TCTN2: variants seen among roughly 807,000 people sequenced by gnomAD.
The protein encoded by TCTN2 is tectonic-2.
In TCTN2, 66 loss-of-function variants were observed where a neutral mutation model predicts 83.4. The ratio of observed to expected loss-of-function variants is 0.79; its 90% CI spans 0.65 to 0.97. The LOEUF is 0.97. TCTN2 is among the 50% of genes least tolerant of loss of function. The pLI is 0.00. For missense variants in TCTN2, 794 were observed against 858.1 expected, an observed-to-expected ratio of 0.93 and a Z score of 0.93; for synonymous variants, 301 against 326.7, an observed-to-expected ratio of 0.92 and a Z score of 0.85.
chr12:123,691,656 T>G (rs1264188580), intron 8 of TCTN2, among the ~76,000 whole-genome samples: 1 of 152,164 alleles, frequency 6.6e-6, no homozygotes, highest in Non-Finnish European at 1.5e-5. Flanking sequence ...TTCTTTTGGG[T>G]AGACACCTAG....
intron 5 of TCTN2, among the ~76,000 whole-genome samples, chr12:123,686,056 T>G (rs1380012679): frequency 1.3e-5 from 2 of 151,804 alleles, no homozygotes; most frequent in African/African-American, 4.8e-5. Flanking sequence ...TTTATTTATT[T>G]ATTTATTTTG....
At chr12:123,706,639 A>G in intron 15 of TCTN2, 87 bp from the exon 16 acceptor site, 2 of 1,599,752 alleles carry the variant, frequency 1.3e-6, no homozygotes, top group Non-Finnish European at 1.7e-6. Context: ...ACCTCAGGTT[A>G]TATTGTGATT....
At chr12:123,686,699 T>C in intron 5 of TCTN2, 137 bp from the exon 6 acceptor site, 1 of 840,332 alleles carries the variant, frequency 1.2e-6, no homozygotes, top group Non-Finnish European at 2.0e-6. Context: ...AAGGCACTTT[T>C]AGATGAGACA....
chr12:123,673,807 T>A lies in TCTN2; in HGVS notation c.460T>A (p.Ser154Thr), dbSNP rs775602892. Residue 154 changes from serine to threonine, a missense_variant, in exon 4 of 18, where the codon TCA (serine) becomes ACA (threonine). Coordinates refer to ENST00000303372, the MANE Select transcript of TCTN2 (RefSeq NM_024809.5). The part of the protein sequence containing the change: ...YANSSLTHNA[S>T]ENVTVIPNQV... ...CAACTCTTCTCTGACCCATAATGCC[T>A]CAGGCAAGTGAAGTCTTTGACTGTC... The A allele has an allele frequency of 2.5e-6, 4 of 1,614,008 alleles. No individual in the cohort carries two copies. Among genetic ancestry groups the A allele is most frequent in the Non-Finnish European group, 3.4e-6 (4 of 1,179,872 alleles).
intron 5 of TCTN2, among the ~76,000 whole-genome samples, chr12:123,679,792 T>C (rs1955872266): frequency 7.2e-6 from 1 of 139,450 alleles, no homozygotes; most frequent in African/African-American, 2.7e-5. Context: ...CAGCCTGGAG[T>C]GCAGTGGCGT....
At chr12:123,695,377 T>C in intron 11 of TCTN2, 80 bp downstream of exon 11, 1 of 942,650 alleles carries the variant, frequency 1.1e-6, no homozygotes, top group South Asian at 1.3e-5. Flanking sequence ...TGGTTATAAG[T>C]AACTCTCTCC....
At chr12:123,695,808 G>T (rs1430667284) in intron 11 of TCTN2, 1 of 160,028 alleles carries the variant, frequency 6.2e-6, no homozygotes, top group Non-Finnish European at 1.4e-5. Flanking sequence ...ATGAGCCACT[G>T]CCCCAGCCTC....
chr12:123,705,266 G>A (rs1011502936), intron 15 of TCTN2, among the ~76,000 whole-genome samples: 12 of 150,210 alleles, frequency 8.0e-5, no homozygotes, highest in Admixed American at 4.0e-4. Context: ...TAGTTCAAGC[G>A]ATTCTCCTGC....
Sources: allele counts gnomAD v4.1 joint callset (sites outside exome capture counted in the v4.1 genomes callset), GRCh38; gene constraint gnomAD v4.1.1; transcripts MANE v1.5; gene names NCBI Gene and HGNC (gene_info 2026-07-23, HGNC 2026-07-21).